TFDP2: variants seen among roughly 807,000 people sequenced by gnomAD.
TFDP2 encodes the protein transcription factor Dp-2 (E2F dimerization partner 2).
In TFDP2, 17 loss-of-function variants were observed where a neutral mutation model predicts 59.3. The observed-to-expected ratio is 0.29, with a 90% confidence interval of 0.20 to 0.43. TFDP2 has a LOEUF of 0.43. Ranked by LOEUF, TFDP2 falls within the 20% of genes least tolerant of loss-of-function variation. TFDP2 has a pLI of 1.00. For synonymous variants in TFDP2, 180 were observed against 194.7 expected (o/e 0.92, Z 0.63); for missense variants, 391 against 528.8 (o/e 0.74, Z 2.56).
At chr3:142,133,293 T>A (rs74450127) in intron 1 of TFDP2, among the ~76,000 whole-genome samples, 10,660 of 150,190 alleles carry the variant, frequency 0.071, 672 homozygotes, top group Middle Eastern at 0.16. Context: ...CACAGCTCAC[T>A]GCAGACTTGA....
intron 7 of TFDP2, among the ~76,000 whole-genome samples, chr3:141,976,782 C>T (rs534806541): frequency 2.0e-5 from 3 of 149,474 alleles, no homozygotes; most frequent in East Asian, 3.9e-4. Context: ...ATGCTATAGA[C>T]TTTTTTTTTC....
intron 5 of TFDP2, among the ~76,000 whole-genome samples, chr3:141,993,811 G>A (rs1268124559): frequency 3.3e-5 from 5 of 152,200 alleles, no homozygotes; most frequent in African/African-American, 1.2e-4. Context: ...ACTAGCTAGA[G>A]AGGAAAACAC....
intron 1 of TFDP2, among the ~76,000 whole-genome samples, chr3:142,133,696 CTA>C (rs1208199780): frequency 6.6e-6 from 1 of 151,832 alleles, no homozygotes; most frequent in African/African-American, 2.4e-5. Flanking sequence ...ACAGATTTTG[CTA>C]TGTTGGCCAG....
chr3:142,004,898 C>G (rs1325847196), intron 4 of TFDP2, among the ~76,000 whole-genome samples: 1 of 152,156 alleles, frequency 6.6e-6, no homozygotes, highest in African/African-American at 2.4e-5. Context: ...AGACTTAATA[C>G]TACACATCCA....
chr3:141,977,130 C>T (rs199754117), intron 7 of TFDP2, among the ~76,000 whole-genome samples: 89 of 113,272 alleles, frequency 7.9e-4, no homozygotes, highest in Non-Finnish European at 1.1e-3. Context: ...TTTTTTTTTC[C>T]CCCCAAAGAG....
chr3:142,134,862 ATCTG>A (rs983752097), intron 1 of TFDP2, among the ~76,000 whole-genome samples: 5 of 152,096 alleles, frequency 3.3e-5, no homozygotes, highest in Admixed American at 1.3e-4. Context: ...AAGAAAAAAA[ATCTG>A]TCTGTGCTAC....
intron 3 of TFDP2, among the ~76,000 whole-genome samples, chr3:142,054,771 A>T (rs1381151345): frequency 6.6e-6 from 1 of 152,192 alleles, no homozygotes; most frequent in African/African-American, 2.4e-5. Context: ...GGTCTGCAGT[A>T]AGTCATTTTA....
chr3:142,073,467 CCCCG>C (rs1560113995), intron 3 of TFDP2, among the ~76,000 whole-genome samples: 1 of 72,660 alleles, frequency 1.4e-5, no homozygotes. Flanking sequence ...ACCCCCCCCC[CCCCG>C]CAAAAAAAAA....
At chr3:142,010,903 C>G in intron 3 of TFDP2, among the ~76,000 whole-genome samples, 1 of 127,628 alleles carries the variant, frequency 7.8e-6, no homozygotes, top group Non-Finnish European at 1.6e-5. Flanking sequence ...CCATCTCACA[C>G]CAGTTAGAAT....
chr3:141,987,914 G>C (rs1236366146), intron 6 of TFDP2, among the ~76,000 whole-genome samples: 1 of 142,978 alleles, frequency 7.0e-6, no homozygotes, highest in Non-Finnish European at 1.5e-5. Context: ...ACTCCAGCCT[G>C]GACGACAGAG....
chr3:142,000,851 A>C (rs962058645), intron 4 of TFDP2, among the ~76,000 whole-genome samples: 1 of 152,254 alleles, frequency 6.6e-6, no homozygotes, highest in Non-Finnish European at 1.5e-5. Flanking sequence ...TTAAGGCTTC[A>C]GAATAATCTT....
chr3:141,990,018 C>T (rs1038463138), intron 6 of TFDP2, among the ~76,000 whole-genome samples: 42 of 150,854 alleles, frequency 2.8e-4, no homozygotes, highest in Admixed American at 2.0e-3. Context: ...CTCAGCCTCC[C>T]GAATAGCTGG....
chr3:141,977,542 A>G (rs1940885074), intron 7 of TFDP2, among the ~76,000 whole-genome samples: 1 of 152,174 alleles, frequency 6.6e-6, no homozygotes, highest in Non-Finnish European at 1.5e-5. Context: ...CATTGAGCCG[A>G]AACTGCACCA....
chr3:142,102,454 G>T (rs1054947472), intron 1 of TFDP2, among the ~76,000 whole-genome samples: 1 of 152,170 alleles, frequency 6.6e-6, no homozygotes, highest in African/African-American at 2.4e-5. Context: ...GGGGAGATGA[G>T]AAATTCTTTG....
At chr3:142,042,534 G>A (rs1225190692) in intron 3 of TFDP2, among the ~76,000 whole-genome samples, 1 of 151,726 alleles carries the variant, frequency 6.6e-6, no homozygotes, top group African/African-American at 2.4e-5. Flanking sequence ...TCTTGACCTC[G>A]AGATCCGCCT....
Position 142,139,223 on chromosome 3 carries a change from T to A in TFDP2, c.-93+9960A>T, listed in dbSNP as rs151061241. The stretch of plus-strand genomic sequence containing the variant: ...TTTTGCTTTCCATCTGCTTGGTAGA[T>A]CTTCCACCATCCCTTTATTTTGAGC... On this transcript the variant is annotated intron_variant, in intron 1 of 12. Coordinates refer to ENST00000489671, the MANE Select transcript of TFDP2 (RefSeq NM_001178139.2). Among the ~76,000 whole-genome samples the A allele has an allele frequency of 6.0e-3, 920 of 152,288 alleles. 6 individuals carry two copies. Among genetic ancestry groups the A allele is most frequent in the Middle Eastern group, 0.044 (13 of 294 alleles).
intron 6 of TFDP2, among the ~76,000 whole-genome samples, chr3:141,981,462 T>C (rs1011671521): frequency 2.0e-5 from 3 of 152,208 alleles, no homozygotes; most frequent in African/African-American, 4.8e-5. Context: ...TTCTATGTTA[T>C]GTACATAGAA....
chr3:142,106,888 C>A (rs925615902), intron 1 of TFDP2, among the ~76,000 whole-genome samples: 2 of 152,010 alleles, frequency 1.3e-5, no homozygotes, highest in Admixed American at 6.6e-5. Context: ...AATCAAAATA[C>A]AAGGAAGAAA....
intron 3 of TFDP2, among the ~76,000 whole-genome samples, chr3:142,089,711 T>C (rs1269029021): frequency 6.6e-6 from 1 of 152,014 alleles, no homozygotes; most frequent in Non-Finnish European, 1.5e-5. Context: ...AAAAAATGTT[T>C]AATAAATCAT....
Sources: allele counts gnomAD v4.1 joint callset (sites outside exome capture counted in the v4.1 genomes callset), GRCh38; gene constraint gnomAD v4.1.1; transcripts MANE v1.5; gene names NCBI Gene and HGNC (gene_info 2026-07-23, HGNC 2026-07-21).